SLC38A11: variants seen among roughly 807,000 people sequenced by gnomAD.
SLC38A11 encodes the protein solute carrier family 38 member 11.
SLC38A11 carries 51 observed loss-of-function variants against 49.4 expected under a neutral mutation model. That is an observed-to-expected ratio of 1.03 (90% confidence interval 0.83 to 1.30). The LOEUF (loss-of-function observed/expected upper bound fraction) is 1.30, where lower values mean the gene tolerates loss of function less well. Among genes scored for constraint, SLC38A11 ranks in the 50% most tolerant of loss-of-function variants. The pLI is 0.00. For missense variants in SLC38A11, 574 were observed against 556.2 expected (o/e 1.03, Z -0.32); for synonymous variants, 203 against 192.9 (o/e 1.05, Z -0.43).
intron 11 of SLC38A11, among the ~76,000 whole-genome samples, chr2:164,905,999 A>G (rs1045504215): frequency 9.9e-5 from 15 of 152,136 alleles, no homozygotes; most frequent in African/African-American, 3.4e-4. Context: ...TGCAAATGCC[A>G]TGGAGATTAG....
intron 5 of SLC38A11, among the ~76,000 whole-genome samples, chr2:164,943,476 A>G (rs1687915838): frequency 6.6e-6 from 1 of 152,210 alleles, no homozygotes. Flanking sequence ...ACCTTTCTAA[A>G]CAAAAGAAGC....
chr2:164,937,071 C>T (rs1303653366), intron 7 of SLC38A11, among the ~76,000 whole-genome samples: 1 of 152,050 alleles, frequency 6.6e-6, no homozygotes, highest in Non-Finnish European at 1.5e-5. Context: ...TTCAACTATT[C>T]AAAATTCATT....
chr2:164,911,588 TG>T, intron 10 of SLC38A11, 47 bp downstream of exon 10: 1 of 892,758 alleles, frequency 1.1e-6, no homozygotes, highest in Non-Finnish European at 1.7e-6. Flanking sequence ...AAATTAAATG[TG>T]GCAGAGAGAT....
intron 9 of SLC38A11, among the ~76,000 whole-genome samples, chr2:164,913,300 A>G (rs996731629): frequency 6.6e-6 from 1 of 152,018 alleles, no homozygotes; most frequent in Non-Finnish European, 1.5e-5. Context: ...ACTCTAAGAA[A>G]AAAGGACTGA....
chr2:164,942,613 C>A (rs72884489), intron 5 of SLC38A11, among the ~76,000 whole-genome samples: 10,449 of 151,902 alleles, frequency 0.069, 396 homozygotes, highest in Admixed American at 0.1. Context: ...TTGTATATGC[C>A]AATAGAAAAT....
In SLC38A11 at chr2:164,945,592, C is replaced by T. The variant is rs768044092; in HGVS notation, c.364+1G>A. 7 of 1,588,728 alleles carry T rather than the reference C, an allele frequency of 4.4e-6. No homozygotes were observed. In the South Asian group the frequency reaches 8.2e-5, roughly 19 times the overall value. Reference sequence around the variant, plus strand: ...AATATTTATCTTCACAGTCAACTTACCTATAAAAGGATACAAAAACTGAAG... The same window carrying T: ...AATATTTATCTTCACAGTCAACTTATCTATAAAAGGATACAAAAACTGAAG... On this transcript the variant is annotated splice_donor_variant, in intron 4 of 11. Coordinates refer to ENST00000685975, the MANE Select transcript of SLC38A11 (RefSeq NM_001351537.2). LOFTEE classifies it high-confidence loss of function.
chr2:164,913,449 G>T (rs1243704727), intron 9 of SLC38A11, among the ~76,000 whole-genome samples: 1 of 152,040 alleles, frequency 6.6e-6, no homozygotes, highest in African/African-American at 2.4e-5. Context: ...TAGAAAAGAA[G>T]AATGCAGTAT....
chr2:164,948,346 T>C, intron 3 of SLC38A11, among the ~76,000 whole-genome samples: 1 of 152,250 alleles, frequency 6.6e-6, no homozygotes, highest in East Asian at 1.9e-4. Flanking sequence ...CACAATGCTT[T>C]TCTGTGTGGT....
At chr2:164,911,774 A>T in intron 9 of SLC38A11, 26 bp from the exon 10 acceptor site, 1 of 1,273,762 alleles carries the variant, frequency 7.9e-7, no homozygotes, top group Non-Finnish European at 1.1e-6. Context: ...AAATAAGTTT[A>T]TTTACTAGAT....
At chr2:164,943,281 G>T (rs186522515) in intron 5 of SLC38A11, among the ~76,000 whole-genome samples, 7 of 152,282 alleles carry the variant, frequency 4.6e-5, no homozygotes, top group Admixed American at 4.6e-4. Context: ...ATGTTGAAAA[G>T]GTCTGCTAGA....
chr2:164,954,710 T>A lies in SLC38A11; in HGVS notation c.75A>T (p.Glu25Asp), dbSNP rs1176021178. 2.6e-6 allele frequency: 4 copies of A among 1,539,228 alleles called. No individual in the cohort carries two copies. The highest frequency in any genetic ancestry group is 3.5e-6 in the Non-Finnish European group (4 of 1,140,670). ...GACAGGTTTTCTCTTTATACTCATG[T>A]TCAGAAACAAGGGTTTCTCTGTCAT... The part of the protein sequence containing the change: ...DLDDRETLVS[E>D]HEYKEKTCQS... The change falls in exon 2 of 12, where the codon GAA (glutamate) becomes GAT (aspartate). Residue 25 changes from glutamate to aspartate, a missense_variant. Physicochemically the swap from Glu to Asp is conservative, Grantham distance 45 (BLOSUM62 2). Coordinates refer to ENST00000685975, the MANE Select transcript of SLC38A11 (RefSeq NM_001351537.2).
Position 164,915,896 on chromosome 2 carries a change from T to C in SLC38A11, c.688+7A>G. 1 of 1,593,654 alleles carries C rather than the reference T, an allele frequency of 6.3e-7. No individual in the cohort carries two copies. The highest frequency in any genetic ancestry group is 1.1e-5 in the South Asian group (1 of 88,470). ...TTGAGAAAGGGCCTTTGAAACCAAA[T>C]ACTCACCAAAAGACATAACCCCGAC... On this transcript the variant is annotated splice_region_variant and intron_variant, in intron 8 of 11. Transcript: ENST00000685975.
intron 11 of SLC38A11, among the ~76,000 whole-genome samples, chr2:164,902,060 GTC>G (rs1374099190): frequency 1.4e-5 from 2 of 147,826 alleles, no homozygotes; most frequent in Admixed American, 1.3e-4. Context: ...TGGAGACAGG[GTC>G]TCACTCTGTT....
At chr2:164,908,397 C>T (rs1685165736) in intron 11 of SLC38A11, among the ~76,000 whole-genome samples, 1 of 152,080 alleles carries the variant, frequency 6.6e-6, no homozygotes, top group East Asian at 1.9e-4. Flanking sequence ...CCACTAGAGG[C>T]CAACAGCACT....
intron 8 of SLC38A11, 200 bp downstream of exon 8, chr2:164,915,703 T>A: frequency 1.9e-6 from 1 of 522,044 alleles, no homozygotes; most frequent in Non-Finnish European, 3.5e-6. Context: ...AATAGATTTC[T>A]CCAAATTGAA....
chr2:164,935,512 A>G (rs1337483872), intron 7 of SLC38A11, among the ~76,000 whole-genome samples: 1 of 150,034 alleles, frequency 6.7e-6, no homozygotes, highest in Admixed American at 6.7e-5. Context: ...TCTACAAAAA[A>G]AAAAAAAAAA....
At chr2:164,918,008 A>C (rs936372140) in intron 7 of SLC38A11, among the ~76,000 whole-genome samples, 1 of 152,044 alleles carries the variant, frequency 6.6e-6, no homozygotes, top group African/African-American at 2.4e-5. Flanking sequence ...AGAAGGAAAC[A>C]GATATTGAAT....
chr2:164,941,245 A>G (rs1342725919), intron 5 of SLC38A11, among the ~76,000 whole-genome samples: 1 of 152,162 alleles, frequency 6.6e-6, no homozygotes, highest in Non-Finnish European at 1.5e-5. Flanking sequence ...AAAAATTTAA[A>G]AGCATGTGAA....
chr2:164,934,354 T>A (rs1243800183), intron 7 of SLC38A11, among the ~76,000 whole-genome samples: 1 of 152,084 alleles, frequency 6.6e-6, no homozygotes, highest in African/African-American at 2.4e-5. Flanking sequence ...TTAGAAACAA[T>A]GTGTCAGTTA....
Sources: gnomAD v4.1 joint callset for allele counts (sites outside exome capture counted in the v4.1 genomes callset) on GRCh38, gnomAD v4.1.1 for gene constraint, MANE v1.5 for transcripts, NCBI Gene and HGNC (gene_info 2026-07-23, HGNC 2026-07-21) for gene names.